The following ADGRB3 variants were observed in gnomAD, a reference collection of about 807,000 sequenced individuals.
ADGRB3 encodes brain-specific angiogenesis inhibitor 3.
Under a neutral mutation model 193.4 loss-of-function variants are expected in ADGRB3, and 37 were observed. The ratio of observed to expected loss-of-function variants is 0.19; its 90% confidence interval spans 0.15 to 0.25. The LOEUF (loss-of-function observed/expected upper bound fraction) is 0.25. Ranked by LOEUF, ADGRB3 falls within the 10% of genes least tolerant of loss-of-function variation. The probability of loss-of-function intolerance (pLI) is 1.00; values close to 1 mark genes in which losing one functional copy is unlikely to be tolerated. For missense variants in ADGRB3, 1,637 were observed against 1,852.9 expected (o/e 0.88, Z 2.14); for synonymous variants, 690 against 644.2 (o/e 1.07, Z -1.08).
chr6:68,699,387 CAG>C (rs556242296), intron 3 of ADGRB3, among the ~76,000 whole-genome samples: 52 of 151,972 alleles, frequency 3.4e-4, no homozygotes, highest in Non-Finnish European at 6.9e-4. Context: ...TAAAATAAAA[CAG>C]AAATAATTCT....
chr6:69,277,544 G>A (rs1411725133), intron 20 of ADGRB3, among the ~76,000 whole-genome samples: 1 of 152,110 alleles, frequency 6.6e-6, no homozygotes, highest in African/African-American at 2.4e-5. Flanking sequence ...ACTCCCAAAG[G>A]ACTTCAGAAG....
chr6:68,946,807 A>C (rs546148496), intron 6 of ADGRB3, among the ~76,000 whole-genome samples: 1 of 152,262 alleles, frequency 6.6e-6, no homozygotes, highest in Non-Finnish European at 1.5e-5. Context: ...TGCTTTTAAT[A>C]AACTGCATGA....
intron 3 of ADGRB3, among the ~76,000 whole-genome samples, chr6:68,904,699 G>A (rs956480086): frequency 6.6e-6 from 1 of 152,232 alleles, no homozygotes; most frequent in Non-Finnish European, 1.5e-5. Context: ...TATAATTTAT[G>A]TAATTATTGC....
At chr6:68,664,234 T>G (rs1768742917) in intron 3 of ADGRB3, among the ~76,000 whole-genome samples, 1 of 151,816 alleles carries the variant, frequency 6.6e-6, no homozygotes, top group Non-Finnish European at 1.5e-5. Flanking sequence ...TACCGATTTT[T>G]TTTTAGTAGT....
intron 20 of ADGRB3, among the ~76,000 whole-genome samples, chr6:69,310,808 G>A (rs532779348): frequency 6.6e-6 from 1 of 151,596 alleles, no homozygotes; most frequent in South Asian, 2.1e-4. Context: ...CCATGGTAAA[G>A]AAAAAGACCT....
chr6:69,069,187 A>G (rs2150310279), intron 16 of ADGRB3, among the ~76,000 whole-genome samples: 1 of 152,216 alleles, frequency 6.6e-6, no homozygotes, highest in East Asian at 1.9e-4. Context: ...CTTTGAGAAC[A>G]TATTGGAGAA....
intron 20 of ADGRB3, among the ~76,000 whole-genome samples, chr6:69,285,058 A>G (rs1396426253): frequency 2.0e-5 from 3 of 152,248 alleles, no homozygotes; most frequent in Non-Finnish European, 4.4e-5. Context: ...TAAGATGCTC[A>G]AAGAATGCTT....
At chr6:69,299,895 A>G (rs112254397) in intron 20 of ADGRB3, among the ~76,000 whole-genome samples, 4,050 of 151,586 alleles carry the variant, frequency 0.027, 81 homozygotes, top group Non-Finnish European at 0.04. Flanking sequence ...AAATTTAAGG[A>G]TTTCTTTTTC....
intron 3 of ADGRB3, among the ~76,000 whole-genome samples, chr6:68,880,085 C>A (rs1057331058): frequency 4.6e-5 from 7 of 152,084 alleles, no homozygotes; most frequent in Non-Finnish European, 7.4e-5. Flanking sequence ...AGATTGCTTG[C>A]GAATTGTTTA....
chr6:69,381,622 C>CT (rs1173362878), intron 30 of ADGRB3, among the ~76,000 whole-genome samples: 1 of 151,838 alleles, frequency 6.6e-6, no homozygotes, highest in African/African-American at 2.4e-5. Context: ...TGTCCTTTTC[C>CT]TTTTCCTCAA....
chr6:69,197,456 A>G (rs3799053), intron 17 of ADGRB3, among the ~76,000 whole-genome samples: 9,801 of 151,974 alleles, frequency 0.064, 847 homozygotes, highest in African/African-American at 0.19. Flanking sequence ...TACCTACTTA[A>G]TTGAAAAACT....
chr6:68,700,554 T>G (rs1765226191), intron 3 of ADGRB3, among the ~76,000 whole-genome samples: 1 of 152,154 alleles, frequency 6.6e-6, no homozygotes, highest in Non-Finnish European at 1.5e-5. Context: ...ATTTGTAATG[T>G]GTTTTCCCTT....
chr6:69,092,466 C>T (rs1772736706), intron 17 of ADGRB3, among the ~76,000 whole-genome samples: 1 of 152,280 alleles, frequency 6.6e-6, no homozygotes, highest in Middle Eastern at 3.4e-3. Context: ...CCCGTCCCCA[C>T]CCTATTCCAA....
chr6:69,354,198 A>G, intron 26 of ADGRB3, 35 bp from the exon 27 acceptor site: 1 of 1,481,408 alleles, frequency 6.8e-7, no homozygotes, highest in African/African-American at 1.4e-5. Context: ...CATTATTAAG[A>G]GAGAAGAAAA....
chr6:68,728,085 T>G (rs1765705735), intron 3 of ADGRB3, among the ~76,000 whole-genome samples: 1 of 151,554 alleles, frequency 6.6e-6, no homozygotes, highest in South Asian at 2.1e-4. Context: ...GGCTTTTTAC[T>G]TGTAAGTTTC....
At chr6:69,104,481 A>G (rs535075218) in intron 17 of ADGRB3, among the ~76,000 whole-genome samples, 2 of 151,886 alleles carry the variant, frequency 1.3e-5, no homozygotes, top group Non-Finnish European at 2.9e-5. Flanking sequence ...ATTGTGAATA[A>G]TGCCGCAATG....
intron 20 of ADGRB3, among the ~76,000 whole-genome samples, chr6:69,294,019 C>T (rs981206370): frequency 2.6e-5 from 4 of 152,104 alleles, no homozygotes; most frequent in African/African-American, 9.7e-5. Flanking sequence ...TGGCATCTTC[C>T]TCCTATTGCT....
intron 3 of ADGRB3, among the ~76,000 whole-genome samples, chr6:68,670,116 A>G (rs1379640924): frequency 6.6e-6 from 1 of 151,780 alleles, no homozygotes; most frequent in Non-Finnish European, 1.5e-5. Context: ...TGATTGGGTT[A>G]TTGGATTTTT....
At chr6:68,906,142 C>T (rs1766539264) in intron 3 of ADGRB3, among the ~76,000 whole-genome samples, 1 of 151,262 alleles carries the variant, frequency 6.6e-6, no homozygotes, top group Non-Finnish European at 1.5e-5. Context: ...TTTTGATTGC[C>T]ATTAAAATAT....
Sources: allele counts gnomAD v4.1 joint callset (sites outside exome capture counted in the v4.1 genomes callset), GRCh38; gene constraint gnomAD v4.1.1; transcripts MANE v1.5; gene names NCBI Gene and HGNC (gene_info 2026-07-23, HGNC 2026-07-21).